Variants in DLGAP2 observed in about 807,000 individuals in gnomAD.
DLGAP2 encodes the protein DLG associated protein 2, also known as disks large-associated protein 2.
DLGAP2 carries 26 observed loss-of-function variants against 100.3 expected under a neutral mutation model. That is an observed-to-expected ratio of 0.26 (90% CI 0.19 to 0.36). The LOEUF is 0.36. DLGAP2 is among the 10% of genes least tolerant of loss of function. The pLI, the probability that DLGAP2 is intolerant of heterozygous loss-of-function variation, is 1.00. For missense variants in DLGAP2, 1,858 were observed against 1,453.2 expected (o/e 1.28, Z -4.53); for synonymous variants, 886 against 630.1 (o/e 1.41, Z -6.08).
At chr8:1,064,734 T>C (rs1803192731) in intron 2 of DLGAP2, among the ~76,000 whole-genome samples, 1 of 152,156 alleles carries the variant, frequency 6.6e-6, no homozygotes, top group African/African-American at 2.4e-5. Flanking sequence ...CTCTGCCAAT[T>C]ATATATAACA....
At chr8:1,694,416 T>C (rs551440639) in intron 13 of DLGAP2, among the ~76,000 whole-genome samples, 5 of 152,316 alleles carry the variant, frequency 3.3e-5, no homozygotes, top group East Asian at 3.9e-4. Flanking sequence ...CAGCCCGAGA[T>C]TGAGGACTGA....
At chr8:1,151,017 G>A (rs1468140237) in intron 2 of DLGAP2, among the ~76,000 whole-genome samples, 13 of 152,082 alleles carry the variant, frequency 8.5e-5, no homozygotes, top group African/African-American at 3.1e-4. Flanking sequence ...ATATGTAATC[G>A]TTATGCTTTG....
At chr8:840,358 C>A (rs1431552409) in intron 1 of DLGAP2, among the ~76,000 whole-genome samples, 4 of 125,288 alleles carry the variant, frequency 3.2e-5, no homozygotes, top group Admixed American at 1.6e-4. Flanking sequence ...CGCGTCTACA[C>A]GGTGCACGCC....
rs1033673177 is a variant in DLGAP2 at position 1,703,061 on chromosome 8, G to A, written c.*1655G>A. 1.6e-4 allele frequency: 25 copies of A among 152,682 alleles called. No homozygotes were observed. Among genetic ancestry groups the A allele is most frequent in the African/African-American group, 5.8e-4 (24 of 41,448 alleles). 9.5% of individuals were successfully genotyped at this position (152,682 alleles called of 1,614,324 possible). A position where few individuals can be genotyped will look rare whatever the true frequency, so the allele number is the denominator to read the frequency against. ...GGCCCCCAGCGCGCCCTCCAGAGCTGCGGTGTCTCCCTGCCTCATTCCCCA... is the reference window on the plus strand; with the variant it reads ...GGCCCCCAGCGCGCCCTCCAGAGCTACGGTGTCTCCCTGCCTCATTCCCCA... On this transcript the variant is annotated 3_prime_UTR_variant, in exon 15 of 15. Transcript: ENST00000637795.
At chr8:1,350,318 G>C (rs1330497314) in intron 3 of DLGAP2, among the ~76,000 whole-genome samples, 28 of 62,668 alleles carry the variant, frequency 4.5e-4, no homozygotes, top group Admixed American at 6.1e-4. Flanking sequence ...CGGGTCCTGA[G>C]CGTGCGTGGA....
chr8:1,678,836 A>G, intron 12 of DLGAP2: 1 of 528,798 alleles, frequency 1.9e-6, no homozygotes, highest in Non-Finnish European at 3.0e-6. Flanking sequence ...TCGAAGGAAA[A>G]TTGTGTGTGT....
At chr8:1,251,061 G>A (rs1350756884) in intron 2 of DLGAP2, among the ~76,000 whole-genome samples, 3 of 152,128 alleles carry the variant, frequency 2.0e-5, no homozygotes, top group Non-Finnish European at 4.4e-5. Flanking sequence ...TTTAAACATT[G>A]GTTTTCAAAT....
intron 2 of DLGAP2, among the ~76,000 whole-genome samples, chr8:951,159 A>C (rs1306002330): frequency 6.6e-6 from 1 of 152,106 alleles, no homozygotes; most frequent in African/African-American, 2.4e-5. Flanking sequence ...ATCATATTCC[A>C]TTGTGTGCCT....
intron 4 of DLGAP2, among the ~76,000 whole-genome samples, chr8:1,509,771 A>T (rs1464747542): frequency 6.6e-6 from 1 of 152,106 alleles, no homozygotes; most frequent in African/African-American, 2.4e-5. Context: ...GTAATATAAG[A>T]CCTTAGAGCA....
At chr8:1,308,492 A>G (rs1297953509) in intron 3 of DLGAP2, among the ~76,000 whole-genome samples, 3 of 152,220 alleles carry the variant, frequency 2.0e-5, no homozygotes, top group Non-Finnish European at 2.9e-5. Flanking sequence ...ACAGGAAAGT[A>G]TGGTCCATTC....
intron 4 of DLGAP2, among the ~76,000 whole-genome samples, chr8:1,512,309 C>G (rs961551496): frequency 6.6e-6 from 1 of 152,230 alleles, no homozygotes; most frequent in Non-Finnish European, 1.5e-5. Flanking sequence ...TTACACTTAC[C>G]TTGACAACAT....
intron 3 of DLGAP2, among the ~76,000 whole-genome samples, chr8:1,280,542 G>T (rs1308170678): frequency 6.6e-6 from 1 of 152,190 alleles, no homozygotes; most frequent in Non-Finnish European, 1.5e-5. Flanking sequence ...GGGATTTCTT[G>T]TGGCTCAAAG....
chr8:898,939 G>C (rs1798197418), intron 1 of DLGAP2, among the ~76,000 whole-genome samples: 1 of 152,258 alleles, frequency 6.6e-6, no homozygotes, highest in African/African-American at 2.4e-5. Context: ...CTGGGAGCTT[G>C]ACGGACAAAC....
intron 3 of DLGAP2, among the ~76,000 whole-genome samples, chr8:1,408,957 G>A (rs1386226242): frequency 1.3e-5 from 2 of 152,226 alleles, no homozygotes; most frequent in African/African-American, 2.4e-5. Context: ...ACATTTAATC[G>A]ATGTCTGTTG....
At chr8:1,352,826 A>G (rs1209467750) in intron 3 of DLGAP2, among the ~76,000 whole-genome samples, 2 of 152,066 alleles carry the variant, frequency 1.3e-5, no homozygotes, top group Non-Finnish European at 2.9e-5. Flanking sequence ...TGCTCATCCC[A>G]TAGTAAGTCA....
intron 7 of DLGAP2, among the ~76,000 whole-genome samples, chr8:1,632,535 A>G (rs963795876): frequency 9.9e-5 from 15 of 152,172 alleles, no homozygotes; most frequent in African/African-American, 2.7e-4. Flanking sequence ...TAAAAGTTCT[A>G]TCTCTCTTAC....
At chr8:1,670,803 C>T (rs1462440227) in intron 10 of DLGAP2, among the ~76,000 whole-genome samples, 1 of 152,196 alleles carries the variant, frequency 6.6e-6, no homozygotes, top group African/African-American at 2.4e-5. Flanking sequence ...GTTGGAGCAG[C>T]TCCAGTGTCA....
chr8:747,588 C>T (rs1202477287), intron 1 of DLGAP2, among the ~76,000 whole-genome samples: 2 of 129,012 alleles, frequency 1.6e-5, no homozygotes, highest in Non-Finnish European at 3.3e-5. Flanking sequence ...GTATGAGGGG[C>T]TCCATGACGG....
chr8:1,283,094 A>AC (rs1799851586), intron 3 of DLGAP2, among the ~76,000 whole-genome samples: 1 of 146,640 alleles, frequency 6.8e-6, no homozygotes, highest in Non-Finnish European at 1.5e-5. Context: ...ACGTGGTGTG[A>AC]CCTGAACCCA....
Sources: allele counts gnomAD v4.1 joint callset (sites outside exome capture counted in the v4.1 genomes callset), GRCh38; gene constraint gnomAD v4.1.1; transcripts MANE v1.5; gene names NCBI Gene and HGNC (gene_info 2026-07-23, HGNC 2026-07-21).